DCC: variants seen among roughly 807,000 people sequenced by gnomAD.
DCC encodes the protein DCC netrin 1 receptor.
A neutral mutation model predicts 172.5 loss-of-function variants in DCC; 58 were observed. That is an observed-to-expected ratio of 0.34 (90% confidence interval 0.27 to 0.42). DCC has a LOEUF of 0.42. DCC is among the 10% of genes least tolerant of loss of function. The probability of loss-of-function intolerance (pLI) is 1.00; values close to 1 mark genes in which losing one functional copy is unlikely to be tolerated. For missense variants in DCC, 1,740 were observed against 1,791.0 expected (o/e 0.97, Z 0.51); for synonymous variants, 709 against 644.5 (o/e 1.10, Z -1.52).
intron 1 of DCC, among the ~76,000 whole-genome samples, chr18:52,477,829 A>G (rs1250008721): frequency 2.6e-5 from 4 of 152,222 alleles, no homozygotes; most frequent in Admixed American, 6.5e-5. Context: ...TCTTTCCCCA[A>G]TAAACCCTAA....
chr18:52,710,951 G>A (rs529233308), intron 1 of DCC, among the ~76,000 whole-genome samples: 1 of 152,310 alleles, frequency 6.6e-6, no homozygotes, highest in Non-Finnish European at 1.5e-5. Flanking sequence ...TGGGAATTAA[G>A]GCTTACAGAG....
intron 7 of DCC, among the ~76,000 whole-genome samples, chr18:53,067,579 G>C (rs1174440247): frequency 6.6e-6 from 1 of 152,052 alleles, no homozygotes; most frequent in African/African-American, 2.4e-5. Context: ...TCATGTAACA[G>C]CTCTATAACA....
At chr18:53,105,914 A>T (rs1455527392) in intron 7 of DCC, among the ~76,000 whole-genome samples, 2 of 151,328 alleles carry the variant, frequency 1.3e-5, no homozygotes, top group African/African-American at 4.9e-5. Context: ...GTGATGCCTG[A>T]GGCATTTTGT....
chr18:52,976,015 C>G (rs771430861), intron 5 of DCC, among the ~76,000 whole-genome samples: 3 of 152,068 alleles, frequency 2.0e-5, no homozygotes, highest in Non-Finnish European at 2.9e-5. Flanking sequence ...ACCTTGCCAG[C>G]TCCTGTTATT....
chr18:52,744,670 G>T (rs2036880208), intron 1 of DCC, among the ~76,000 whole-genome samples: 1 of 152,170 alleles, frequency 6.6e-6, no homozygotes, highest in Non-Finnish European at 1.5e-5. Context: ...CCTTTGGTGA[G>T]TGCACACTTT....
At chr18:52,672,359 A>C (rs1475099336) in intron 1 of DCC, among the ~76,000 whole-genome samples, 1 of 152,194 alleles carries the variant, frequency 6.6e-6, no homozygotes, top group East Asian at 1.9e-4. Flanking sequence ...AATTACCTAA[A>C]ATCCAACTAT....
chr18:52,704,468 T>A (rs2036173984), intron 1 of DCC, among the ~76,000 whole-genome samples: 1 of 152,208 alleles, frequency 6.6e-6, no homozygotes, highest in South Asian at 2.1e-4. Flanking sequence ...ATACAGACTG[T>A]TTTCAATTAT....
chr18:53,105,153 G>A (rs1212238793), intron 7 of DCC, among the ~76,000 whole-genome samples: 1 of 152,022 alleles, frequency 6.6e-6, no homozygotes, highest in Non-Finnish European at 1.5e-5. Context: ...AGAAGATGCT[G>A]TGACTAAAAG....
intron 15 of DCC, among the ~76,000 whole-genome samples, chr18:53,381,983 T>C (rs745929785): frequency 4.6e-5 from 7 of 151,796 alleles, no homozygotes; most frequent in Non-Finnish European, 7.4e-5. Context: ...TCATATACTT[T>C]CCAAGATCCT....
At chr18:52,369,240 G>T (rs1012299675) in intron 1 of DCC, among the ~76,000 whole-genome samples, 8 of 150,128 alleles carry the variant, frequency 5.3e-5, no homozygotes, top group Middle Eastern at 3.5e-3. Flanking sequence ...TTCTTTGTGG[G>T]TTTTTTTTCT....
intron 13 of DCC, among the ~76,000 whole-genome samples, chr18:53,321,180 T>C (rs972974332): frequency 6.6e-6 from 1 of 152,212 alleles, no homozygotes; most frequent in African/African-American, 2.4e-5. Context: ...ATATTTGCAC[T>C]ATTTCAGATG....
chr18:52,971,496 C>CGT (rs201096437), intron 5 of DCC, among the ~76,000 whole-genome samples: 5,242 of 151,158 alleles, frequency 0.035, 123 homozygotes, highest in African/African-American at 0.053. Flanking sequence ...GAGAGGTGTG[C>CGT]GTGTGTGTGT....
chr18:52,859,411 G>A (rs2039101639), intron 2 of DCC, among the ~76,000 whole-genome samples: 1 of 152,118 alleles, frequency 6.6e-6, no homozygotes, highest in Non-Finnish European at 1.5e-5. Context: ...ACCACAGAGG[G>A]ATTGCTTCTA....
intron 12 of DCC, among the ~76,000 whole-genome samples, chr18:53,273,708 C>T (rs1207212829): frequency 1.3e-5 from 2 of 150,220 alleles, no homozygotes; most frequent in African/African-American, 2.4e-5. Context: ...AATTTATCTC[C>T]TTAGGTCCTA....
chr18:53,264,598 G>C (rs533335108), intron 12 of DCC, among the ~76,000 whole-genome samples: 1 of 152,094 alleles, frequency 6.6e-6, no homozygotes, highest in South Asian at 2.1e-4. Context: ...CTTCCACAAG[G>C]TCAGAGATGG....
chr18:53,311,780 G>A (rs1373150342), intron 13 of DCC, among the ~76,000 whole-genome samples: 4 of 152,176 alleles, frequency 2.6e-5, no homozygotes, highest in South Asian at 2.1e-4. Context: ...ATGGATGAGG[G>A]CATGGAAGTA....
At chr18:53,380,757 A>G (rs11665242) in intron 15 of DCC, among the ~76,000 whole-genome samples, 45,217 of 152,054 alleles carry the variant, frequency 0.3, 8,626 homozygotes, top group Non-Finnish European at 0.44. Context: ...CGATAGGAAA[A>G]CATTGAGCCA....
chr18:52,412,972 C>T (rs552226646), intron 1 of DCC, among the ~76,000 whole-genome samples: 2 of 152,210 alleles, frequency 1.3e-5, no homozygotes, highest in South Asian at 2.1e-4. Context: ...TGCATTTATA[C>T]ACTGACAATT....
At chr18:52,588,905 GT>G (rs2033738199) in intron 1 of DCC, among the ~76,000 whole-genome samples, 1 of 151,780 alleles carries the variant, frequency 6.6e-6, no homozygotes, top group African/African-American at 2.4e-5. Flanking sequence ...AGAGACTCAA[GT>G]TTTTTAGTTA....
Sources: gnomAD v4.1 joint callset for allele counts (sites outside exome capture counted in the v4.1 genomes callset) on GRCh38, gnomAD v4.1.1 for gene constraint, MANE v1.5 for transcripts, NCBI Gene and HGNC (gene_info 2026-07-23, HGNC 2026-07-21) for gene names.